Variants in COL14A1 observed in about 807,000 individuals in gnomAD.
The protein encoded by COL14A1 is collagen type XIV alpha 1 chain.
In COL14A1, 136 loss-of-function variants were observed where a neutral mutation model predicts 230.3. The ratio of observed to expected loss-of-function variants is 0.59; its 90% CI spans 0.51 to 0.68. The LOEUF is 0.68. Among genes scored for constraint, COL14A1 ranks in the 30% least tolerant of loss-of-function variants. The probability of loss-of-function intolerance (pLI) is 0.00; values close to 1 mark genes in which losing one functional copy is unlikely to be tolerated. For missense variants in COL14A1, 1,976 were observed against 2,215.8 expected, an observed-to-expected ratio of 0.89 and a Z score of 2.17; for synonymous variants, 792 against 784.1, an observed-to-expected ratio of 1.01 and a Z score of -0.17.
At chr8:120,236,433 G>T (rs1818447683) in intron 19 of COL14A1, among the ~76,000 whole-genome samples, 1 of 149,862 alleles carries the variant, frequency 6.7e-6, no homozygotes, top group Non-Finnish European at 1.5e-5. Flanking sequence ...GACTAGGATT[G>T]CAACCCCTGC....
At chr8:120,188,843 A>T (rs1052212607) in intron 5 of COL14A1, among the ~76,000 whole-genome samples, 30 of 152,348 alleles carry the variant, frequency 2.0e-4, no homozygotes, top group African/African-American at 7.2e-4. Context: ...TATATTATAG[A>T]TTTAAACTAC....
chr8:120,311,974 G>C (rs28461438), intron 37 of COL14A1, among the ~76,000 whole-genome samples: 3,959 of 151,980 alleles, frequency 0.026, 177 homozygotes, highest in African/African-American at 0.089. Context: ...GTGGGCACCT[G>C]TAGTCCCAGC....
At chr8:120,289,913 T>C (rs1447695863) in intron 34 of COL14A1, 147 bp downstream of exon 34, 1 of 791,272 alleles carries the variant, frequency 1.3e-6, no homozygotes, top group East Asian at 2.7e-5. Context: ...GATGGATGGA[T>C]AGATGGATGG....
rs1007756856 is a variant in COL14A1 at position 120,348,808 on chromosome 8, T to G, written c.5077+3245T>G. On this transcript the variant is annotated intron_variant, in intron 45 of 47. Coordinates refer to ENST00000297848, the MANE Select transcript of COL14A1 (RefSeq NM_021110.4). ...TGTGATACACAGTAAAAAATACATT[T>G]GACATCATGATGCAATATTGCTTAT... is the stretch of plus-strand genomic sequence containing the variant. Among the ~76,000 whole-genome samples the G allele has an allele frequency of 2.5e-4, 38 of 152,330 alleles. 1 individual carries two copies. The highest frequency in any genetic ancestry group is 1.9e-4 in the Non-Finnish European group (13 of 68,032).
chr8:120,367,693 T>A (rs1823450743), intron 46 of COL14A1, among the ~76,000 whole-genome samples: 1 of 150,622 alleles, frequency 6.6e-6, no homozygotes, highest in Non-Finnish European at 1.5e-5. Context: ...CCCAGCGTTT[T>A]GGGAAGCTGA....
At chr8:120,325,737 C>A (rs1265011399) in intron 40 of COL14A1, among the ~76,000 whole-genome samples, 2 of 152,162 alleles carry the variant, frequency 1.3e-5, no homozygotes, top group Non-Finnish European at 2.9e-5. Flanking sequence ...CAGTGATCCA[C>A]CCTCCTTGGC....
intron 33 of COL14A1, among the ~76,000 whole-genome samples, chr8:120,289,128 C>G (rs1218902333): frequency 1.3e-5 from 2 of 152,162 alleles, no homozygotes; most frequent in Non-Finnish European, 2.9e-5. Flanking sequence ...AGCATTCCTT[C>G]TTCCCCCTCA....
intron 5 of COL14A1, among the ~76,000 whole-genome samples, chr8:120,192,279 G>A (rs944272729): frequency 1.3e-5 from 2 of 152,146 alleles, no homozygotes; most frequent in African/African-American, 4.8e-5. Context: ...TGTCTTTAAA[G>A]TATTTTATTT....
chr8:120,357,039 G>A (rs923482799), intron 45 of COL14A1, among the ~76,000 whole-genome samples: 2 of 152,080 alleles, frequency 1.3e-5, no homozygotes, highest in African/African-American at 4.8e-5. Flanking sequence ...GATCATGGCT[G>A]CAGAAAGAAA....
intron 12 of COL14A1, 130 bp downstream of exon 12, chr8:120,210,031 T>C (rs1047177156): frequency 1.5e-6 from 1 of 672,930 alleles, no homozygotes; most frequent in African/African-American, 1.9e-5. Context: ...AAAACACTTA[T>C]AATCCCACCA....
At chr8:120,331,004 C>T (rs1047759827) in intron 40 of COL14A1, among the ~76,000 whole-genome samples, 1 of 150,196 alleles carries the variant, frequency 6.7e-6, no homozygotes, top group African/African-American at 2.5e-5. Context: ...ACTTCGGAGG[C>T]TGAGACAGGA....
intron 17 of COL14A1, 149 bp from the exon 18 acceptor site, chr8:120,228,561 T>A: frequency 3.3e-6 from 2 of 600,974 alleles, no homozygotes; most frequent in Non-Finnish European, 6.0e-6. Context: ...TTACTTACAA[T>A]TCATTTCTTT....
chr8:120,308,280 C>A (rs910680922), intron 36 of COL14A1, among the ~76,000 whole-genome samples: 2 of 152,212 alleles, frequency 1.3e-5, no homozygotes. Context: ...GTGCGCCCAG[C>A]CTGAAGCATT....
chr8:120,154,891 C>T (rs1815414030), intron 2 of COL14A1, among the ~76,000 whole-genome samples: 1 of 152,142 alleles, frequency 6.6e-6, no homozygotes. Context: ...ATTATTTCTC[C>T]ATGGCACTTA....
In COL14A1 at chr8:120,216,346, C is replaced by A; in HGVS notation, c.1598-5C>A. 3 of 1,598,208 alleles carry A rather than the reference C, an allele frequency of 1.9e-6. No homozygotes were observed. The highest frequency in any genetic ancestry group is 2.6e-6 in the Non-Finnish European group (3 of 1,175,936). On this transcript the variant is annotated splice_polypyrimidine_tract_variant and splice_region_variant and intron_variant, in intron 13 of 47. Coordinates refer to ENST00000297848, the MANE Select transcript of COL14A1 (RefSeq NM_021110.4). ...TAATTATTTTCTATTCCATTTACTGCCAAGTGGCTTTAAGTCCACCAAGAA... is the reference window on the plus strand; with the variant it reads ...TAATTATTTTCTATTCCATTTACTGACAAGTGGCTTTAAGTCCACCAAGAA...
At chr8:120,204,201 C>T (rs1412426445) in intron 9 of COL14A1, among the ~76,000 whole-genome samples, 2 of 152,000 alleles carry the variant, frequency 1.3e-5, no homozygotes, top group African/African-American at 4.8e-5. Context: ...ACTAGTTTTC[C>T]CAATGGTAAA....
chr8:120,168,908 T>TTTAGTGTC, intron 5 of COL14A1, among the ~76,000 whole-genome samples: 1 of 152,240 alleles, frequency 6.6e-6, no homozygotes, highest in African/African-American at 2.4e-5. Context: ...CAGGCTAGAA[T>TTTAGTGTC]TTAGTGTCAC....
At chr8:120,242,841 G>A (rs185819853) in intron 19 of COL14A1, among the ~76,000 whole-genome samples, 94 of 152,234 alleles carry the variant, frequency 6.2e-4, no homozygotes, top group Non-Finnish European at 1.1e-3. Flanking sequence ...GCTGCTTCTG[G>A]GTTCAACTCG....
intron 8 of COL14A1, among the ~76,000 whole-genome samples, chr8:120,200,046 A>AAAGCATATATATATATATATATATATAT (rs60929332): frequency 1.9e-5 from 2 of 105,644 alleles, no homozygotes; most frequent in African/African-American, 6.8e-5. Context: ...CTTGTGTGAA[A>AAAGCATATATATATATATATATATATAT]AAGCATATAT....
Sources: allele counts gnomAD v4.1 joint callset (sites outside exome capture counted in the v4.1 genomes callset), GRCh38; gene constraint gnomAD v4.1.1; transcripts MANE v1.5; gene names NCBI Gene and HGNC (gene_info 2026-07-23, HGNC 2026-07-21).